The following SETD5 variants were observed in gnomAD, a reference collection of about 807,000 sequenced individuals.
The protein encoded by SETD5 is histone-lysine N-methyltransferase SETD5.
SETD5 carries 44 observed loss-of-function variants against 153.3 expected under a neutral mutation model. That is an observed-to-expected ratio of 0.29 (90% CI 0.23 to 0.37). The LOEUF (loss-of-function observed/expected upper bound fraction) is 0.37, where lower values mean the gene tolerates loss of function less well. Among genes scored for constraint, SETD5 ranks in the 10% least tolerant of loss-of-function variants. The pLI, the probability that SETD5 is intolerant of heterozygous loss-of-function variation, is 1.00. For synonymous variants in SETD5, 716 were observed against 645.2 expected, an observed-to-expected ratio of 1.11 and a Z score of -1.66; for missense variants, 1,544 against 1,768.0, an observed-to-expected ratio of 0.87 and a Z score of 2.27.
chr3:9,421,167 G>A (rs967031820), intron 1 of SETD5, among the ~76,000 whole-genome samples: 1 of 152,060 alleles, frequency 6.6e-6, no homozygotes, highest in African/African-American at 2.4e-5. Context: ...TTTGGAGCAG[G>A]AAGACAACAC....
At chr3:9,472,267 A>T (rs926122185) in intron 19 of SETD5, among the ~76,000 whole-genome samples, 1 of 152,248 alleles carries the variant, frequency 6.6e-6, no homozygotes, top group African/African-American at 2.4e-5. Flanking sequence ...TGTTAAAGAT[A>T]AAAAGCCAGA....
chr3:9,435,254 A>G (rs978048893), intron 6 of SETD5, among the ~76,000 whole-genome samples: 1 of 151,692 alleles, frequency 6.6e-6, no homozygotes, highest in Non-Finnish European at 1.5e-5. Flanking sequence ...AAAAAAAAAA[A>G]AAAAAAAAAA....
At position 9,474,926 on chromosome 3, in the gene SETD5, C is replaced by G. The variant is rs535466112; in HGVS notation, c.3632-142C>G. The G allele has an allele frequency of 1.9e-4, 134 of 714,688 alleles. 1 individual carries two copies. The East Asian group carries it at 2.6e-3, about 14-fold the overall frequency. 44.3% of individuals were successfully genotyped at this position (714,688 alleles called of 1,614,324 possible). On this transcript the variant is annotated intron_variant, in intron 21 of 22. Transcript: ENST00000402198. ...ATAATTAACCACTCATTTTGCCCTT[C>G]TGGCATGCTGCACTCACCCAATTTG...
Position 9,431,384 on chromosome 3 carries a change from A to G in SETD5, c.71+2375A>G, listed in dbSNP as rs923157199. The G allele has an allele frequency of 4.1e-6, 4 of 984,816 alleles. No individual in the cohort carries two copies. The African/African-American group carries it at 7.0e-5, about 17-fold the overall frequency. The allele number at this position is 984,816 out of a possible 1,614,324, so 61.0% of individuals were successfully genotyped here. A position where few individuals can be genotyped will look rare whatever the true frequency, so the allele number is the denominator to read the frequency against. On this transcript the variant is annotated intron_variant, in intron 3 of 22. Coordinates refer to ENST00000402198, the MANE Select transcript of SETD5 (RefSeq NM_001080517.3). ...TCAGTGATAGGAGAAGAAAGCCTGTAATTACATTTGCATAAAGTGGTTGGC... is the reference window on the plus strand; with the variant it reads ...TCAGTGATAGGAGAAGAAAGCCTGTGATTACATTTGCATAAAGTGGTTGGC...
chr3:9,399,399 A>G (rs9861990), intron 1 of SETD5, among the ~76,000 whole-genome samples: 3,077 of 151,808 alleles, frequency 0.02, 104 homozygotes, highest in African/African-American at 0.068. Flanking sequence ...CCACGTAATC[A>G]GAGGTTTCTG....
At chr3:9,400,118 G>C (rs2034520171) in intron 1 of SETD5, among the ~76,000 whole-genome samples, 1 of 152,194 alleles carries the variant, frequency 6.6e-6, no homozygotes, top group South Asian at 2.1e-4. Context: ...GAGCTGGTTT[G>C]CTTTTTATTG....
intron 1 of SETD5, among the ~76,000 whole-genome samples, chr3:9,420,750 C>G (rs2038248020): frequency 6.6e-6 from 1 of 152,092 alleles, no homozygotes; most frequent in South Asian, 2.1e-4. Context: ...TTCACTGTAT[C>G]TCCAAGTGCT....
rs2045930473 is a variant in SETD5 at position 9,477,721 on chromosome 3, G to T, written c.*1630G>T. 6.7e-6 allele frequency: 1 copy of T among 148,812 alleles called. No homozygotes were observed. 9.2% of individuals were successfully genotyped at this position (148,812 alleles called of 1,614,324 possible). On this transcript the variant is annotated 3_prime_UTR_variant, in exon 23 of 23. Coordinates refer to ENST00000402198, the MANE Select transcript of SETD5 (RefSeq NM_001080517.3). ...TTTTTTAAATGCTGAGACCTCAGCA[G>T]AGTACTTTTCTTTTTGTTGTTTCCC...
intron 3 of SETD5, chr3:9,431,032 T>C (rs933855805): frequency 1.0e-6 from 1 of 985,304 alleles, no homozygotes; most frequent in Non-Finnish European, 1.2e-6. Context: ...TAATGTTTCA[T>C]CATGCCTATT....
intron 11 of SETD5, among the ~76,000 whole-genome samples, chr3:9,444,802 A>G (rs547447269): frequency 1.3e-5 from 2 of 152,266 alleles, no homozygotes; most frequent in South Asian, 2.1e-4. Flanking sequence ...ACTTGAGCCC[A>G]GGAAACAGAG....
chr3:9,430,116 C>CT, intron 3 of SETD5: 1 of 1,025,090 alleles, frequency 9.8e-7, no homozygotes, highest in South Asian at 3.5e-5. Flanking sequence ...ATTCTTCCCC[C>CT]TTCAGCAAAG....
intron 1 of SETD5, among the ~76,000 whole-genome samples, chr3:9,408,614 A>G (rs1380471093): frequency 6.7e-6 from 1 of 148,542 alleles, no homozygotes; most frequent in African/African-American, 2.6e-5. Flanking sequence ...CTATTAAACA[A>G]CCTCCCCCCA....
In SETD5 at chr3:9,434,426, T is replaced by C. The variant is rs2040329124; in HGVS notation, c.270T>C (p.Pro90=). The C allele has an allele frequency of 1.2e-6, 2 of 1,613,890 alleles. No homozygotes were observed. The highest frequency in any genetic ancestry group is 1.7e-5 in the Admixed American group (1 of 60,002). The change falls in exon 5 of 23, where the codon CCT becomes CCC. Residue 90 remains proline (P), a synonymous_variant. Coordinates refer to ENST00000402198, the MANE Select transcript of SETD5 (RefSeq NM_001080517.3). This position sits in a 1 kb window ranked among gnomAD's most constrained non-coding sequence, Gnocchi z 5.6. The stretch of plus-strand genomic sequence containing the variant: ...CGAACTCTGAAGGAGAAACTGTACC[T>C]ACCTGGTGTCCTTGTGGTCTTTCTC... The part of the protein sequence containing the change: ...DSPNSEGETV[P]TWCPCGLSQD...
At chr3:9,426,279 A>T (rs1376119510) in intron 2 of SETD5, 1 of 112,890 alleles carries the variant, frequency 8.9e-6, no homozygotes, top group African/African-American at 3.3e-5. Context: ...TTTGTTGCCC[A>T]GGCTGAGTGC....
In SETD5 at chr3:9,434,218, T is replaced by C. The variant is rs981510761; in HGVS notation, c.178-116T>C. On this transcript the variant is annotated intron_variant, in intron 4 of 22. Coordinates refer to ENST00000402198, the MANE Select transcript of SETD5 (RefSeq NM_001080517.3). The surrounding 1 kb of genome is among the most constrained non-coding windows in gnomAD (Gnocchi z 5.6). The stretch of plus-strand genomic sequence containing the variant: ...TTCTTTCTTTCCATATGTACCATAC[T>C]TTAGGGGAGAGAGGGGCCAGTGTTT... 6.4e-7 allele frequency: 1 copy of C among 1,553,648 alleles called. No individual in the cohort carries two copies. The highest frequency in any genetic ancestry group is 8.8e-7 in the Non-Finnish European group (1 of 1,142,190).
intron 1 of SETD5, among the ~76,000 whole-genome samples, chr3:9,399,388 C>CTGTATT (rs1003900721): frequency 2.0e-4 from 30 of 152,012 alleles, no homozygotes; most frequent in Non-Finnish European, 4.0e-4. Context: ...GCAGAGAATA[C>CTGTATT]CCACGTAATC....
Position 9,457,742 on chromosome 3 carries a change from CTTT to C in SETD5, c.2476+3885_2476+3887del, listed in dbSNP as rs756557755. 7.0e-5 allele frequency among the ~76,000 whole-genome samples: 9 copies of C among 129,404 alleles called. No individual in the cohort carries two copies. In the East Asian group the frequency reaches 2.0e-3, roughly 29 times the overall value. 84.9% of individuals were successfully genotyped at this position (129,404 alleles called of 152,430 possible). On this transcript the variant is annotated intron_variant, in intron 17 of 22. Transcript: ENST00000402198. ...TCTGAGGAAATGGAAATTTCTTTTT[CTTT>C]TTTTTTTTTTCATGAATCATACGTG...
Position 9,445,874 on chromosome 3 carries a change from T to C in SETD5, c.1524+134T>C, listed in dbSNP as rs2041879086. ...GTTATAATTTGGGCTTTTTCCGTAA[T>C]AAAGATTTTATTATAATTTTTTTAT... is the stretch of plus-strand genomic sequence containing the variant. On this transcript the variant is annotated intron_variant, in intron 13 of 22. Transcript: ENST00000402198. 7.1e-6 allele frequency: 3 copies of C among 423,102 alleles called. No individual in the cohort carries two copies. The East Asian group carries it at 1.2e-4, about 17-fold the overall frequency. The allele number at this position is 423,102 out of a possible 1,614,324, so 26.2% of individuals were successfully genotyped here.
rs1383479801 is a variant in SETD5 at position 9,428,917 on chromosome 3, A to G, written c.-22A>G. ...CCATTAATTGGACCCCGTGATTTCC[A>G]ATCTCTGCTGTGTTGGACGTCATGA... On this transcript the variant is annotated 5_prime_UTR_variant, in exon 3 of 23. Coordinates refer to ENST00000402198, the MANE Select transcript of SETD5 (RefSeq NM_001080517.3). The G allele has an allele frequency of 6.9e-6, 11 of 1,604,782 alleles. No homozygotes were observed. The highest frequency in any genetic ancestry group is 5.1e-6 in the Non-Finnish European group (6 of 1,173,608).
Sources: gnomAD v4.1 joint callset for allele counts (sites outside exome capture counted in the v4.1 genomes callset) on GRCh38, gnomAD v4.1.1 for gene constraint, Gnocchi (gnomAD v3.1) non-coding constraint, MANE v1.5 for transcripts, NCBI Gene and HGNC (gene_info 2026-07-23, HGNC 2026-07-21) for gene names.